The following FAIM variants were observed in gnomAD, a reference collection of about 807,000 sequenced individuals.
FAIM encodes Fas apoptotic inhibitory molecule, also known as fas apoptotic inhibitory molecule 1.
In FAIM, 14 loss-of-function variants were observed where a neutral mutation model predicts 21.2. That is an observed-to-expected ratio of 0.66 (90% CI 0.44 to 1.03). The LOEUF is 1.03. Ranked by LOEUF, FAIM falls within the 50% of genes least tolerant of loss-of-function variation. The probability of loss-of-function intolerance (pLI) is 0.00; values close to 1 mark genes in which losing one functional copy is unlikely to be tolerated. For synonymous variants in FAIM, 86 were observed against 80.4 expected, an observed-to-expected ratio of 1.07 and a Z score of -0.37; for missense variants, 222 against 247.1, an observed-to-expected ratio of 0.90 and a Z score of 0.68.
At chr3:138,624,982 A>G (rs989852052) in intron 4 of FAIM, among the ~76,000 whole-genome samples, 2 of 152,034 alleles carry the variant, frequency 1.3e-5, no homozygotes, top group African/African-American at 4.8e-5. Context: ...CCTGGGCAAC[A>G]TAGGGAGACC....
At chr3:138,610,057 A>G (rs368755357) in intron 1 of FAIM, among the ~76,000 whole-genome samples, 45 of 152,274 alleles carry the variant, frequency 3.0e-4, no homozygotes, top group South Asian at 1.4e-3. Context: ...GAAGATGTCA[A>G]CACTTGAGTG....
At chr3:138,632,572 C>T (rs2043017219) in intron 5 of FAIM, among the ~76,000 whole-genome samples, 1 of 152,104 alleles carries the variant, frequency 6.6e-6, no homozygotes, top group South Asian at 2.1e-4. Context: ...CACCTGTAAT[C>T]CCAGCACTGT....
chr3:138,627,515 A>C (rs1662646276), intron 4 of FAIM, among the ~76,000 whole-genome samples: 1 of 151,684 alleles, frequency 6.6e-6, no homozygotes, highest in Non-Finnish European at 1.5e-5. Context: ...AATTTAATAC[A>C]TTTTCTTTTA....
At chr3:138,632,424 T>C (rs1044674111) in intron 5 of FAIM, among the ~76,000 whole-genome samples, 1 of 152,064 alleles carries the variant, frequency 6.6e-6, no homozygotes, top group South Asian at 2.1e-4. Context: ...GGCTACTGTA[T>C]TGAACAGAAC....
chr3:138,621,454 A>T lies in FAIM; in HGVS notation c.92A>T (p.Asp31Val). ...EKMTDLVAVW[D>V]VALSDGVHKI... The stretch of plus-strand genomic sequence containing the variant: ...ATGACAGATCTCGTAGCTGTTTGGG[A>T]TGTTGCTTTAAGTGACGGAGTCCAC... The change falls in exon 3 of 6, where the codon GAT becomes GTT. Residue 31 changes from aspartate (D) to valine (V), a missense_variant. Coordinates refer to ENST00000360570, the MANE Select transcript of FAIM (RefSeq NM_001033031.2). 6.2e-7 allele frequency: 1 copy of T among 1,613,990 alleles called. No homozygotes were observed. Among genetic ancestry groups the T allele is most frequent in the Non-Finnish European group, 8.5e-7 (1 of 1,179,952 alleles).
intron 1 of FAIM, chr3:138,610,873 C>A: frequency 2.6e-6 from 3 of 1,169,856 alleles, no homozygotes; most frequent in South Asian, 1.3e-5. Context: ...TGTGAGCCAT[C>A]GCGCCTGGCC....
At chr3:138,632,788 G>A in intron 5 of FAIM, 142 bp from the exon 6 acceptor site, 3 of 745,130 alleles carry the variant, frequency 4.0e-6, no homozygotes, top group Non-Finnish European at 6.1e-6. Context: ...CTAAGTACAA[G>A]CTTTAGACTT....
chr3:138,622,589 G>C (rs1202657145), intron 4 of FAIM, among the ~76,000 whole-genome samples, 173 bp downstream of exon 4: 1 of 151,954 alleles, frequency 6.6e-6, no homozygotes, highest in Non-Finnish European at 1.5e-5. Flanking sequence ...CTATCTGCTT[G>C]GGATTGTCTA....
intron 1 of FAIM, among the ~76,000 whole-genome samples, chr3:138,612,780 A>G (rs536731043): frequency 6.6e-6 from 1 of 152,278 alleles, no homozygotes; most frequent in South Asian, 2.1e-4. Context: ...CAACTTCACC[A>G]TTTTACAGTC....
At chr3:138,630,990 A>C (rs1305190612) in intron 5 of FAIM, 1 of 152,020 alleles carries the variant, frequency 6.6e-6, no homozygotes, top group East Asian at 1.9e-4. Context: ...TACAAAAATT[A>C]ATAGAGCATG....
Position 138,621,521 on chromosome 3 carries a change from A to G in FAIM, c.159A>G (p.Val53=). The G allele has an allele frequency of 6.2e-7, 1 of 1,613,438 alleles. No homozygotes were observed. Among genetic ancestry groups the G allele is most frequent in the Non-Finnish European group, 8.5e-7 (1 of 1,179,784 alleles). Residue 53 remains valine (V), a synonymous_variant, in exon 3 of 6, where the codon GTA becomes GTG. Transcript: ENST00000360570. The part of the protein sequence containing the change: ...FEHGTTSGKR[V]VYVDGKEEIR... Reference sequence around the variant, plus strand: ...ATGGGACTACATCAGGCAAACGAGTAGTATATGTAGATGGAAAGGTAGGAA... The same window carrying G: ...ATGGGACTACATCAGGCAAACGAGTGGTATATGTAGATGGAAAGGTAGGAA...
intron 2 of FAIM, among the ~76,000 whole-genome samples, chr3:138,620,746 C>T (rs1247252044): frequency 3.9e-5 from 6 of 152,194 alleles, no homozygotes; most frequent in Non-Finnish European, 8.8e-5. Flanking sequence ...ACCTCAGTCT[C>T]CCAAAGTGCT....
chr3:138,630,835 A>G (rs1485516290), intron 5 of FAIM: 3 of 152,100 alleles, frequency 2.0e-5, no homozygotes, highest in Non-Finnish European at 2.9e-5. Context: ...ATGCTGTTTT[A>G]TGGTATTAAG....
intron 4 of FAIM, among the ~76,000 whole-genome samples, chr3:138,624,151 A>C (rs2042916019): frequency 6.6e-6 from 1 of 152,208 alleles, no homozygotes. Context: ...GAACCACTGG[A>C]TCTCATTAAT....
At chr3:138,618,629 C>T (rs902435014) in intron 1 of FAIM, among the ~76,000 whole-genome samples, 2 of 152,218 alleles carry the variant, frequency 1.3e-5, no homozygotes, top group African/African-American at 4.8e-5. Flanking sequence ...GATCATGCCA[C>T]TGCACTCCAG....
At chr3:138,617,807 G>T (rs2042843388) in intron 1 of FAIM, among the ~76,000 whole-genome samples, 1 of 143,060 alleles carries the variant, frequency 7.0e-6, no homozygotes. Flanking sequence ...TATTATTTTG[G>T]ACATAGATAC....
intron 4 of FAIM, 86 bp downstream of exon 4, chr3:138,622,502 G>A: frequency 3.3e-6 from 3 of 901,218 alleles, no homozygotes; most frequent in Non-Finnish European, 5.0e-6. Flanking sequence ...ACCTTCTATG[G>A]AGGTTTGAAA....
At chr3:138,628,283 T>C (rs1487185728) in intron 4 of FAIM, among the ~76,000 whole-genome samples, 4 of 152,184 alleles carry the variant, frequency 2.6e-5, no homozygotes, top group African/African-American at 9.7e-5. Context: ...GAAGCTGGAC[T>C]AGATTTCTAA....
At position 138,609,533 on chromosome 3, in the gene FAIM, A is replaced by ACACTCT. The variant is rs1285258999; in HGVS notation, c.-17+597_-17+598insACTCTC. The stretch of plus-strand genomic sequence containing the variant: ...AGAACCTGCATCATAAAGTGCTGAA[A>ACACTCT]CTCTCTCTCTCTCTCTCTCTCTCTC... On this transcript the variant is annotated intron_variant, in intron 1 of 5. Transcript: ENST00000360570. Among the ~76,000 whole-genome samples the ACACTCT allele has an allele frequency of 4.8e-3, 16 of 3,366 alleles. 3 individuals carry two copies. Among genetic ancestry groups the ACACTCT allele is most frequent in the East Asian group, 0.034 (3 of 88 alleles). The allele number at this position is 3,366 out of a possible 152,430, so 2.2% of individuals were successfully genotyped here.
Sources: gnomAD v4.1 joint callset for allele counts (sites outside exome capture counted in the v4.1 genomes callset) on GRCh38, gnomAD v4.1.1 for gene constraint, MANE v1.5 for transcripts, NCBI Gene and HGNC (gene_info 2026-07-23, HGNC 2026-07-21) for gene names.